Variants in PCDH9 observed in about 807,000 individuals in gnomAD.
PCDH9 encodes protocadherin-9.
In PCDH9, 24 loss-of-function variants were observed where a neutral mutation model predicts 70.6. The ratio of observed to expected loss-of-function variants is 0.34; its 90% CI spans 0.25 to 0.48. The LOEUF is 0.48. Among genes scored for constraint, PCDH9 ranks in the 20% least tolerant of loss-of-function variants. The pLI is 0.99. For synonymous variants in PCDH9, 562 were observed against 558.5 expected, an observed-to-expected ratio of 1.01 and a Z score of -0.09; for missense variants, 1,281 against 1,503.6, an observed-to-expected ratio of 0.85 and a Z score of 2.45.
chr13:66,828,637 T>C (rs1025900568), intron 3 of PCDH9, among the ~76,000 whole-genome samples: 7 of 152,068 alleles, frequency 4.6e-5, no homozygotes, highest in Non-Finnish European at 1.0e-4. Flanking sequence ...AATTTAAATG[T>C]CCATAAATCA....
chr13:66,439,692 T>C (rs1443734773), intron 4 of PCDH9, among the ~76,000 whole-genome samples: 1 of 152,210 alleles, frequency 6.6e-6, no homozygotes, highest in Non-Finnish European at 1.5e-5. Context: ...TCCTTTCAAA[T>C]AGCTTATTGT....
At chr13:66,312,516 G>A (rs1955579914) in intron 4 of PCDH9, among the ~76,000 whole-genome samples, 1 of 151,830 alleles carries the variant, frequency 6.6e-6, no homozygotes, top group African/African-American at 2.4e-5. Context: ...GGGAACTAAG[G>A]TGGAAGGATT....
chr13:66,467,761 T>C (rs61957633), intron 4 of PCDH9, among the ~76,000 whole-genome samples: 149 of 152,232 alleles, frequency 9.8e-4, no homozygotes, highest in Non-Finnish European at 1.7e-3. Context: ...ATTTTAACCC[T>C]AAGTCCTACT....
chr13:66,733,391 T>A (rs1336714938), intron 3 of PCDH9, among the ~76,000 whole-genome samples: 2 of 152,152 alleles, frequency 1.3e-5, no homozygotes, highest in African/African-American at 4.8e-5. Flanking sequence ...ATTATTTAGA[T>A]CACCTTCCTC....
At chr13:67,199,144 G>C (rs1040579404) in intron 2 of PCDH9, among the ~76,000 whole-genome samples, 1 of 151,250 alleles carries the variant, frequency 6.6e-6, no homozygotes, top group Non-Finnish European at 1.5e-5. Flanking sequence ...CAATCTATCT[G>C]AACTTATGTA....
intron 3 of PCDH9, among the ~76,000 whole-genome samples, chr13:66,758,028 C>T (rs967027981): frequency 6.6e-6 from 1 of 151,848 alleles, no homozygotes; most frequent in African/African-American, 2.4e-5. Flanking sequence ...ATGTTATTGG[C>T]ATAAGAATAA....
chr13:66,872,793 T>C (rs2139512892), intron 3 of PCDH9, among the ~76,000 whole-genome samples: 1 of 152,292 alleles, frequency 6.6e-6, no homozygotes, highest in Middle Eastern at 3.4e-3. Context: ...TTGAATCTCC[T>C]CTACTTCTCC....
chr13:66,901,202 T>A (rs2139593360), intron 3 of PCDH9, among the ~76,000 whole-genome samples: 1 of 151,908 alleles, frequency 6.6e-6, no homozygotes, highest in Non-Finnish European at 1.5e-5. Flanking sequence ...CTGAATTTAA[T>A]ACAAAATGCA....
In PCDH9 at chr13:66,678,687, T is replaced by C. The variant is rs143510598; in HGVS notation, c.3139-47276A>G. On this transcript the variant is annotated intron_variant, in intron 3 of 4. Transcript: ENST00000377865. ...TTTATGTGCAAAGCCAAATACCAAA[T>C]AACAAGAAAAATCTTGGCAAACTTG... is the stretch of plus-strand genomic sequence containing the variant. Among the ~76,000 whole-genome samples, 496 of 151,952 alleles carry C rather than the reference T, an allele frequency of 3.3e-3. 1 individual carries two copies. The highest frequency in any genetic ancestry group is 0.011 in the African/African-American group (473 of 41,512).
At chr13:67,132,011 T>C (rs1279676161) in intron 2 of PCDH9, among the ~76,000 whole-genome samples, 1 of 152,130 alleles carries the variant, frequency 6.6e-6, no homozygotes, top group Admixed American at 6.6e-5. Flanking sequence ...AATGACTCCA[T>C]AGAATTTCTG....
At chr13:67,165,013 T>C (rs2088071778) in intron 2 of PCDH9, among the ~76,000 whole-genome samples, 3 of 152,254 alleles carry the variant, frequency 2.0e-5, no homozygotes, top group South Asian at 2.1e-4. Flanking sequence ...TTATTGACCA[T>C]AGCATCCCCA....
chr13:66,520,781 T>G (rs1055849145), intron 4 of PCDH9, among the ~76,000 whole-genome samples: 1 of 152,154 alleles, frequency 6.6e-6, no homozygotes, highest in Non-Finnish European at 1.5e-5. Context: ...TTTAGGTATC[T>G]TATGTCTTAA....
chr13:66,709,499 C>A (rs2078763092), intron 3 of PCDH9, among the ~76,000 whole-genome samples: 1 of 152,084 alleles, frequency 6.6e-6, no homozygotes, highest in African/African-American at 2.4e-5. Flanking sequence ...TTTCAAGCCC[C>A]ATTACCTAGA....
intron 4 of PCDH9, among the ~76,000 whole-genome samples, chr13:66,506,595 G>C (rs556961552): frequency 6.6e-6 from 1 of 152,116 alleles, no homozygotes; most frequent in Non-Finnish European, 1.5e-5. Flanking sequence ...TCCATTTTGC[G>C]GTCAGTGAGC....
chr13:67,118,098 C>A (rs570245569), intron 2 of PCDH9, among the ~76,000 whole-genome samples: 16 of 152,230 alleles, frequency 1.1e-4, no homozygotes, highest in African/African-American at 3.9e-4. Context: ...AATGTTAAGT[C>A]ATTTCAAGGT....
At chr13:66,397,562 T>C (rs1957123755) in intron 4 of PCDH9, among the ~76,000 whole-genome samples, 1 of 151,638 alleles carries the variant, frequency 6.6e-6, no homozygotes, top group South Asian at 2.1e-4. Context: ...TATGTGTATA[T>C]ATGTATACAT....
At chr13:67,149,826 C>T (rs919975581) in intron 2 of PCDH9, among the ~76,000 whole-genome samples, 14 of 152,034 alleles carry the variant, frequency 9.2e-5, no homozygotes, top group African/African-American at 3.1e-4. Context: ...CACTTTCATG[C>T]AAATTAGCAT....
chr13:67,219,144 T>C (rs893809944), intron 2 of PCDH9: 2 of 152,160 alleles, frequency 1.3e-5, no homozygotes, highest in Middle Eastern at 3.4e-3. Context: ...ATGGGTTGTT[T>C]TTCCAGTTTA....
chr13:66,536,794 G>C (rs1452388971), intron 4 of PCDH9, among the ~76,000 whole-genome samples: 1 of 151,288 alleles, frequency 6.6e-6, no homozygotes, highest in East Asian at 2.0e-4. Context: ...TACCCAAATA[G>C]TTATAAGTAC....
Sources: allele counts gnomAD v4.1 joint callset (sites outside exome capture counted in the v4.1 genomes callset), GRCh38; gene constraint gnomAD v4.1.1; transcripts MANE v1.5; gene names NCBI Gene and HGNC (gene_info 2026-07-23, HGNC 2026-07-21).